Variants in FAM168A observed in about 807,000 individuals in gnomAD.
FAM168A encodes family with sequence similarity 168 member A, also known as protein FAM168A.
Under a neutral mutation model 28.5 loss-of-function variants are expected in FAM168A, and 3 were observed. The ratio of observed to expected loss-of-function variants is 0.11; its 90% confidence interval spans 0.05 to 0.27. The LOEUF (loss-of-function observed/expected upper bound fraction) is 0.27. FAM168A is among the 10% of genes least tolerant of loss of function. The pLI is 1.00. For synonymous variants in FAM168A, 122 were observed against 124.2 expected (o/e 0.98, Z 0.12); for missense variants, 222 against 311.5 (o/e 0.71, Z 2.16).
chr11:73,455,134 C>G (rs925008440), intron 2 of FAM168A, among the ~76,000 whole-genome samples: 1 of 152,248 alleles, frequency 6.6e-6, no homozygotes, highest in South Asian at 2.1e-4. Flanking sequence ...CAGGCACCCC[C>G]ACCTGGACAC....
chr11:73,513,513 C>T (rs945959885), intron 1 of FAM168A, among the ~76,000 whole-genome samples: 3 of 151,874 alleles, frequency 2.0e-5, no homozygotes, highest in Non-Finnish European at 4.4e-5. Flanking sequence ...CCGCGCCCCA[C>T]CCAGGTAAAA....
chr11:73,495,412 T>C (rs1478937182), intron 1 of FAM168A, among the ~76,000 whole-genome samples: 2 of 152,046 alleles, frequency 1.3e-5, no homozygotes, highest in African/African-American at 2.4e-5. Flanking sequence ...ACAATGCAGT[T>C]TGAGCAACCA....
chr11:73,450,675 C>T (rs1867410987), intron 2 of FAM168A, among the ~76,000 whole-genome samples: 1 of 148,144 alleles, frequency 6.8e-6, no homozygotes, highest in South Asian at 2.2e-4. Flanking sequence ...CCACTCCCCT[C>T]CCCCCAAATC....
At chr11:73,521,270 A>C (rs1943372196) in intron 1 of FAM168A, among the ~76,000 whole-genome samples, 2 of 152,088 alleles carry the variant, frequency 1.3e-5, no homozygotes, top group African/African-American at 4.8e-5. Flanking sequence ...GGAAGCCTGA[A>C]TAACAGGACA....
At chr11:73,452,803 C>CAA (rs144662672) in intron 2 of FAM168A, among the ~76,000 whole-genome samples, 4 of 120,116 alleles carry the variant, frequency 3.3e-5, no homozygotes, top group African/African-American at 1.2e-4. Context: ...GAATGTTTTG[C>CAA]AAAAAAAAAA....
At chr11:73,423,816 C>T (rs1285311655) in intron 3 of FAM168A, among the ~76,000 whole-genome samples, 2 of 152,202 alleles carry the variant, frequency 1.3e-5, no homozygotes, top group African/African-American at 2.4e-5. Context: ...AGCCCCTTGT[C>T]TTACTAGTCT....
chr11:73,506,273 T>C (rs996796477), intron 1 of FAM168A, among the ~76,000 whole-genome samples: 2 of 152,080 alleles, frequency 1.3e-5, no homozygotes, highest in East Asian at 1.9e-4. Context: ...GGATCAAAAG[T>C]GAGGTTCAAC....
chr11:73,470,557 T>C (rs1055119196), intron 1 of FAM168A, among the ~76,000 whole-genome samples: 6 of 152,208 alleles, frequency 3.9e-5, no homozygotes, highest in Non-Finnish European at 8.8e-5. Flanking sequence ...GTGGGTTTTA[T>C]CATGGTGGGC....
chr11:73,556,575 T>C (rs1294728794), intron 1 of FAM168A, among the ~76,000 whole-genome samples: 1 of 151,524 alleles, frequency 6.6e-6, no homozygotes, highest in African/African-American at 2.4e-5. Flanking sequence ...GTTTAATGGG[T>C]AGAGAAATTT....
rs1555022734 is a variant in FAM168A, at chr11:73,457,761, G to GA, written c.70+10643dup. 5.8e-3 allele frequency among the ~76,000 whole-genome samples: 510 copies of GA among 87,306 alleles called. 5 individuals carry two copies. The highest frequency in any genetic ancestry group is 0.024 in the African/African-American group (477 of 20,204). 57.3% of individuals were successfully genotyped at this position (87,306 alleles called of 152,430 possible). On this transcript the variant is annotated intron_variant, in intron 2 of 7. Transcript: ENST00000356467. ...AAAAAAAAAAAAAAAGAAAAGAAAA[G>GA]AAAGAAAAGAAAAAAAAGGCTAAAA...
At chr11:73,422,253 CTA>C (rs1264419801) in intron 3 of FAM168A, among the ~76,000 whole-genome samples, 19 of 152,196 alleles carry the variant, frequency 1.2e-4, no homozygotes. Context: ...CCTTTGGTTA[CTA>C]TGTCTTTTCC....
chr11:73,440,018 TG>T (rs1867165418), intron 2 of FAM168A, among the ~76,000 whole-genome samples: 1 of 151,850 alleles, frequency 6.6e-6, no homozygotes, highest in South Asian at 2.1e-4. Flanking sequence ...CCTGAGTAGC[TG>T]GGATTACAGG....
At chr11:73,584,612 T>A (rs1485608186) in intron 1 of FAM168A, among the ~76,000 whole-genome samples, 1 of 151,972 alleles carries the variant, frequency 6.6e-6, no homozygotes, top group Non-Finnish European at 1.5e-5. Flanking sequence ...TAGCCGGGAC[T>A]ACAGGCGCCC....
rs1219779680 is a variant in FAM168A at position 73,482,549 on chromosome 11, C to T, written c.-18-14057G>A. On this transcript the variant is annotated intron_variant, in intron 1 of 7. Transcript: ENST00000356467. Reference sequence around the variant, plus strand: ...AGAAATACAGGTGTTTGTTGAAGAACCCACAGAGTCAAGGGGTTCTACCAG... The same window carrying T: ...AGAAATACAGGTGTTTGTTGAAGAATCCACAGAGTCAAGGGGTTCTACCAG... 4.0e-5 allele frequency among the ~76,000 whole-genome samples: 6 copies of T among 151,710 alleles called. No individual in the cohort carries two copies. The South Asian group carries it at 1.2e-3, about 32-fold the overall frequency.
intron 3 of FAM168A, among the ~76,000 whole-genome samples, chr11:73,422,750 A>C (rs1188363396): frequency 6.6e-6 from 1 of 152,086 alleles, no homozygotes; most frequent in Non-Finnish European, 1.5e-5. Context: ...AGTGTACTTT[A>C]TATACTTTGC....
At chr11:73,426,711 G>A (rs1010273157) in intron 3 of FAM168A, among the ~76,000 whole-genome samples, 1 of 151,594 alleles carries the variant, frequency 6.6e-6, no homozygotes, top group African/African-American at 2.4e-5. Flanking sequence ...TGCTGTGTGT[G>A]TGTGTGTGTG....
intron 3 of FAM168A, 66 bp from the exon 4 acceptor site, chr11:73,420,065 C>A (rs1030093514): frequency 8.2e-6 from 13 of 1,588,524 alleles, no homozygotes; most frequent in Non-Finnish European, 8.6e-6. Context: ...ATCACAGACA[C>A]AAAGCAAGGG....
intron 2 of FAM168A, 74 bp downstream of exon 2, chr11:73,468,328 TAGG>T: frequency 7.2e-7 from 1 of 1,382,644 alleles, no homozygotes; most frequent in Non-Finnish European, 1.0e-6. Flanking sequence ...AGGTATACGT[TAGG>T]AGGAGGAGCA....
intron 4 of FAM168A, among the ~76,000 whole-genome samples, chr11:73,418,107 G>A (rs1358969511): frequency 6.6e-6 from 1 of 152,174 alleles, no homozygotes; most frequent in Non-Finnish European, 1.5e-5. Context: ...GAGTTACGTT[G>A]TATAAACATA....
Sources: gnomAD v4.1 joint callset for allele counts (sites outside exome capture counted in the v4.1 genomes callset) on GRCh38, gnomAD v4.1.1 for gene constraint, MANE v1.5 for transcripts, NCBI Gene and HGNC (gene_info 2026-07-23, HGNC 2026-07-21) for gene names.